The following KLRG1 variants were observed in gnomAD, a reference collection of about 807,000 sequenced individuals.
KLRG1 encodes the protein killer cell lectin like receptor G1.
A neutral mutation model predicts 21.8 loss-of-function variants in KLRG1; 16 were observed. The observed-to-expected ratio is 0.73, with a 90% CI of 0.50 to 1.11. KLRG1 has a LOEUF of 1.11. Ranked by LOEUF, KLRG1 falls within the 50% of genes most tolerant of loss-of-function variation. The pLI, the probability that KLRG1 is intolerant of heterozygous loss-of-function variation, is 0.00. For missense variants in KLRG1, 173 were observed against 218.3 expected (o/e 0.79, Z 1.31); for synonymous variants, 69 against 75.9 (o/e 0.91, Z 0.47).
the KLRG1 span, chr12:9,080,117 G>A: frequency 6.3e-7 from 1 of 1,589,530 alleles, no homozygotes; most frequent in East Asian, 2.3e-5. Context: ...AGAAGCTCGG[G>A]CAGATTCTTC....
chr12:8,970,117 AAAAAC>A (rs1206480037), intron 1 of KLRG1, among the ~76,000 whole-genome samples: 1 of 152,226 alleles, frequency 6.6e-6, no homozygotes, highest in African/African-American at 2.4e-5. Flanking sequence ...CCTTGTCTCA[AAAAAC>A]AAAACAAAAC....
the KLRG1 span, among the ~76,000 whole-genome samples, chr12:9,177,400 T>C: frequency 6.6e-6 from 1 of 152,310 alleles, no homozygotes; most frequent in Non-Finnish European, 1.5e-5. Flanking sequence ...GTCAGGTGGC[T>C]GCAGCTTTGG....
At chr12:9,067,591 T>G in the KLRG1 span, 10 of 597,114 alleles carry the variant, frequency 1.7e-5, 1 homozygote, top group South Asian at 1.8e-4. Context: ...CTGTATCATT[T>G]TTTTGTATTC....
chr12:9,153,096 C>T, the KLRG1 span: 1,745 of 1,611,528 alleles, frequency 1.1e-3, 5 homozygotes, highest in Admixed American at 1.4e-3. Context: ...TTAAAGTTGA[C>T]TCTCACCCAT....
chr12:9,204,833 T>A, the KLRG1 span, among the ~76,000 whole-genome samples: 32 of 152,276 alleles, frequency 2.1e-4, no homozygotes, highest in South Asian at 3.3e-3. Context: ...AAGTGGCTTA[T>A]ACCTAGTTCC....
intron 3 of KLRG1, among the ~76,000 whole-genome samples, chr12:9,005,014 T>C (rs993919277): frequency 5.3e-5 from 8 of 152,218 alleles, no homozygotes; most frequent in Non-Finnish European, 8.8e-5. Flanking sequence ...CACTCTCATA[T>C]GTATTGTAGC....
chr12:9,063,494 G>A, the KLRG1 span, among the ~76,000 whole-genome samples: 1 of 152,144 alleles, frequency 6.6e-6, no homozygotes, highest in Admixed American at 6.5e-5. Context: ...TTCCTGGAAA[G>A]AATAAACTTC....
At chr12:9,037,130 A>G in the KLRG1 span, 1 of 160,244 alleles carries the variant, frequency 6.2e-6, no homozygotes, top group South Asian at 1.8e-4. Context: ...GACTTCATTT[A>G]CACTCAGACT....
the KLRG1 span, chr12:9,160,113 G>A: frequency 7.9e-7 from 1 of 1,273,602 alleles, no homozygotes. Context: ...AGGCGCCATG[G>A]ACATTTTATG....
the KLRG1 span, chr12:9,192,502 T>C: frequency 2.5e-6 from 4 of 1,606,418 alleles, no homozygotes; most frequent in Non-Finnish European, 3.4e-6. Flanking sequence ...TTCCATGGCC[T>C]CATTCTTACC....
the KLRG1 span, among the ~76,000 whole-genome samples, chr12:9,199,199 G>C: frequency 2.0e-5 from 3 of 152,130 alleles, no homozygotes; most frequent in African/African-American, 7.2e-5. Context: ...TCATAATCAT[G>C]ACATCAGTCA....
the KLRG1 span, chr12:9,155,803 A>T: frequency 6.5e-6 from 1 of 153,638 alleles, no homozygotes; most frequent in African/African-American, 2.4e-5. Flanking sequence ...TACTTGTCTA[A>T]GTCCTGGTGT....
chr12:9,200,549 A>C, the KLRG1 span: 1 of 906,410 alleles, frequency 1.1e-6, no homozygotes, highest in Non-Finnish European at 1.7e-6. Flanking sequence ...TAACACTCTG[A>C]ATGTTAGATT....
the KLRG1 span, among the ~76,000 whole-genome samples, chr12:9,078,402 G>C: frequency 2.0e-5 from 3 of 152,192 alleles, no homozygotes; most frequent in Non-Finnish European, 4.4e-5. Flanking sequence ...AGTATTCCAT[G>C]ATGTATATGT....
chr12:9,204,760 G>A, the KLRG1 span, among the ~76,000 whole-genome samples: 3 of 151,734 alleles, frequency 2.0e-5, no homozygotes, highest in East Asian at 3.9e-4. Context: ...TGTTTGTTTC[G>A]AATCACATGG....
the KLRG1 span, chr12:9,067,895 A>T: frequency 3.3e-6 from 5 of 1,537,870 alleles, no homozygotes; most frequent in South Asian, 5.8e-5. Flanking sequence ...ATGAGCAGAG[A>T]GTATTCTTTC....
the KLRG1 span, chr12:9,067,782 A>T: frequency 1.2e-6 from 2 of 1,602,040 alleles, no homozygotes; most frequent in Non-Finnish European, 1.7e-6. Context: ...TGGAGCTCTG[A>T]GAACAGGACT....
intron 1 of KLRG1, among the ~76,000 whole-genome samples, chr12:8,957,533 G>GTTTT (rs1207381758): frequency 6.6e-6 from 1 of 151,342 alleles, no homozygotes; most frequent in African/African-American, 2.4e-5. Context: ...GTTTTGTTTT[G>GTTTT]TTTTTTTGTT....
chr12:9,014,278 G>T (rs1296158024), downstream of KLRG1, among the ~76,000 whole-genome samples: 8 of 152,130 alleles, frequency 5.3e-5, no homozygotes, highest in African/African-American at 1.9e-4. Context: ...AGAACACCAA[G>T]TAGACTTAAC....
Sources: allele counts gnomAD v4.1 joint callset (sites outside exome capture counted in the v4.1 genomes callset), GRCh38; gene constraint gnomAD v4.1.1; transcripts MANE v1.5; gene names NCBI Gene and HGNC (gene_info 2026-07-23, HGNC 2026-07-21).